IMMP2L: variants seen among roughly 807,000 people sequenced by gnomAD.
The protein encoded by IMMP2L is mitochondrial inner membrane protease subunit 2.
In IMMP2L, 18 loss-of-function variants were observed where a neutral mutation model predicts 19.3. The observed-to-expected ratio is 0.93, with a 90% confidence interval of 0.64 to 1.38. The LOEUF (loss-of-function observed/expected upper bound fraction) is 1.38, where lower values mean the gene tolerates loss of function less well. IMMP2L is among the 40% of genes most tolerant of loss of function. The pLI is 0.00. For synonymous variants in IMMP2L, 76 were observed against 73.0 expected (o/e 1.04, Z -0.21); for missense variants, 233 against 218.2 (o/e 1.07, Z -0.43).
chr7:111,488,171 T>C (rs1160473776), intron 2 of IMMP2L, among the ~76,000 whole-genome samples: 1 of 152,138 alleles, frequency 6.6e-6, no homozygotes, highest in African/African-American at 2.4e-5. Context: ...CTTTTCACTG[T>C]TTTTTAAATT....
At chr7:111,137,174 T>C (rs1802429408) in intron 3 of IMMP2L, among the ~76,000 whole-genome samples, 1 of 152,146 alleles carries the variant, frequency 6.6e-6, no homozygotes, top group Admixed American at 6.5e-5. Context: ...TTGGTGGAAA[T>C]GTGGTAAATT....
chr7:111,365,852 C>T (rs372027302), intron 3 of IMMP2L, among the ~76,000 whole-genome samples: 21 of 152,082 alleles, frequency 1.4e-4, no homozygotes, highest in African/African-American at 5.1e-4. Flanking sequence ...TAAGGAAATG[C>T]TCAAAAATGA....
chr7:111,362,414 A>G (rs1829347995), intron 3 of IMMP2L, among the ~76,000 whole-genome samples: 1 of 151,992 alleles, frequency 6.6e-6, no homozygotes, highest in Admixed American at 6.6e-5. Flanking sequence ...TCTTTTTTAA[A>G]ATAGTTTATA....
chr7:111,460,238 C>T (rs1200916095), intron 3 of IMMP2L, among the ~76,000 whole-genome samples: 2 of 152,006 alleles, frequency 1.3e-5, no homozygotes, highest in African/African-American at 4.8e-5. Flanking sequence ...TACTTGGGCA[C>T]TCGAATTGAG....
chr7:110,706,862 C>A (rs1323867027), intron 5 of IMMP2L, among the ~76,000 whole-genome samples: 2 of 151,850 alleles, frequency 1.3e-5, no homozygotes, highest in Admixed American at 6.6e-5. Flanking sequence ...AGGTCCCACT[C>A]GTCAATTTTT....
At chr7:110,806,602 A>C (rs2131246982) in intron 5 of IMMP2L, among the ~76,000 whole-genome samples, 1 of 152,118 alleles carries the variant, frequency 6.6e-6, no homozygotes, top group East Asian at 1.9e-4. Context: ...AAACCCAAAA[A>C]ATAGTTGGTC....
intron 4 of IMMP2L, among the ~76,000 whole-genome samples, chr7:110,935,514 T>C (rs1020228671): frequency 1.3e-5 from 2 of 152,246 alleles, no homozygotes; most frequent in East Asian, 3.9e-4. Context: ...TGTGGTGTTC[T>C]CTGTATTTCC....
chr7:111,102,027 A>G (rs532165870), intron 3 of IMMP2L, among the ~76,000 whole-genome samples: 90 of 151,488 alleles, frequency 5.9e-4, no homozygotes, highest in Admixed American at 4.4e-3. Flanking sequence ...AGGGCCATGC[A>G]GAAACTGCCG....
chr7:111,226,905 T>C (rs1263600764), intron 3 of IMMP2L, among the ~76,000 whole-genome samples: 3 of 151,764 alleles, frequency 2.0e-5, no homozygotes, highest in Admixed American at 1.3e-4. Context: ...ACATAGAAAA[T>C]ACATGAGCAA....
intron 5 of IMMP2L, among the ~76,000 whole-genome samples, chr7:110,883,824 A>C (rs1348690465): frequency 6.6e-6 from 1 of 152,072 alleles, no homozygotes; most frequent in Non-Finnish European, 1.5e-5. Context: ...GAAACAGTGA[A>C]AGTATCTCAG....
At chr7:111,384,665 T>C (rs1831562065) in intron 3 of IMMP2L, among the ~76,000 whole-genome samples, 1 of 152,016 alleles carries the variant, frequency 6.6e-6, no homozygotes, top group Non-Finnish European at 1.5e-5. Flanking sequence ...AGCTAAGGAA[T>C]CTCTTAAGCA....
chr7:110,936,254 G>A (rs991691724), intron 4 of IMMP2L, among the ~76,000 whole-genome samples: 3 of 152,070 alleles, frequency 2.0e-5, no homozygotes, highest in African/African-American at 7.2e-5. Flanking sequence ...TCATCAGAGT[G>A]AACAGGCAAC....
intron 5 of IMMP2L, among the ~76,000 whole-genome samples, chr7:110,861,119 G>C (rs1014614645): frequency 1.4e-5 from 2 of 147,766 alleles, no homozygotes; most frequent in African/African-American, 4.9e-5. Context: ...GAGAGAGAGA[G>C]AGAGAGAGAG....
intron 3 of IMMP2L, among the ~76,000 whole-genome samples, chr7:111,148,635 C>T (rs557659335): frequency 6.6e-6 from 1 of 151,858 alleles, no homozygotes; most frequent in Non-Finnish European, 1.5e-5. Context: ...TAATTTCTGT[C>T]TTTTAAGCTT....
At chr7:111,370,201 T>C (rs1186774952) in intron 3 of IMMP2L, among the ~76,000 whole-genome samples, 1 of 152,014 alleles carries the variant, frequency 6.6e-6, no homozygotes, top group Non-Finnish European at 1.5e-5. Flanking sequence ...TCTGCTGCTC[T>C]TAAACCATGC....
chr7:111,558,364 G>T (rs967985232), intron 1 of IMMP2L, among the ~76,000 whole-genome samples: 2 of 152,192 alleles, frequency 1.3e-5, no homozygotes, highest in Non-Finnish European at 2.9e-5. Flanking sequence ...GCAAGGGCAA[G>T]GGATAGAAGG....
intron 3 of IMMP2L, among the ~76,000 whole-genome samples, chr7:111,227,318 C>T (rs530682789): frequency 1.2e-4 from 19 of 152,180 alleles, no homozygotes; most frequent in African/African-American, 4.1e-4. Flanking sequence ...ATTTGCTACC[C>T]GAAGTATTAC....
At chr7:111,479,492 G>T (rs2132185058) in intron 3 of IMMP2L, among the ~76,000 whole-genome samples, 1 of 152,084 alleles carries the variant, frequency 6.6e-6, no homozygotes, top group East Asian at 1.9e-4. Context: ...AAGATAAGTT[G>T]ACACCCTTAT....
rs189727432 is a variant in IMMP2L at position 111,165,023 on chromosome 7, T to G, written c.240-201458A>C. 8.8e-3 allele frequency among the ~76,000 whole-genome samples: 1,345 copies of G among 152,186 alleles called. 10 individuals carry two copies. The highest frequency in any genetic ancestry group is 0.025 in the South Asian group (120 of 4,814). On this transcript the variant is annotated intron_variant, in intron 3 of 5. Coordinates refer to ENST00000405709, the MANE Select transcript of IMMP2L (RefSeq NM_032549.4). ...CACCACCATTCATATCCAGAACTTTTTTCATCATATAAAACAGAAACTCTG... is the reference window on the plus strand; with the variant it reads ...CACCACCATTCATATCCAGAACTTTGTTCATCATATAAAACAGAAACTCTG...
Sources: allele counts gnomAD v4.1 joint callset (sites outside exome capture counted in the v4.1 genomes callset), GRCh38; gene constraint gnomAD v4.1.1; transcripts MANE v1.5; gene names NCBI Gene and HGNC (gene_info 2026-07-23, HGNC 2026-07-21).